SUGCT: variants seen among roughly 807,000 people sequenced by gnomAD.
The protein encoded by SUGCT is succinyl-CoA:glutarate-CoA transferase.
In SUGCT, 41 loss-of-function variants were observed where a neutral mutation model predicts 55.0. That is an observed-to-expected ratio of 0.74 (90% CI 0.58 to 0.97). SUGCT has a LOEUF of 0.97. Among genes scored for constraint, SUGCT ranks in the 50% least tolerant of loss-of-function variants. SUGCT has a pLI of 0.00. For synonymous variants in SUGCT, 187 were observed against 200.4 expected, an observed-to-expected ratio of 0.93 and a Z score of 0.56; for missense variants, 568 against 547.8, an observed-to-expected ratio of 1.04 and a Z score of -0.37.
intron 6 of SUGCT, among the ~76,000 whole-genome samples, chr7:40,201,016 T>C (rs1247184489): frequency 6.6e-6 from 1 of 152,128 alleles, no homozygotes; most frequent in Admixed American, 6.6e-5. Flanking sequence ...CATGAGTTAG[T>C]CTGTGTGTGT....
At chr7:40,724,507 G>A (rs1786513858) in intron 12 of SUGCT, among the ~76,000 whole-genome samples, 1 of 151,808 alleles carries the variant, frequency 6.6e-6, no homozygotes, top group Admixed American at 6.6e-5. Flanking sequence ...AGCTTGCAGT[G>A]AGCCAAGATT....
the SUGCT span, among the ~76,000 whole-genome samples, chr7:40,898,829 G>A: frequency 6.6e-6 from 1 of 152,116 alleles, no homozygotes; most frequent in South Asian, 2.1e-4. Flanking sequence ...TGAGGCTTTT[G>A]GGGGCCATTA....
intron 12 of SUGCT, among the ~76,000 whole-genome samples, chr7:40,702,772 A>G (rs915103318): frequency 2.6e-5 from 4 of 152,138 alleles, no homozygotes; most frequent in African/African-American, 9.7e-5. Context: ...TTCCAGCTCA[A>G]TGAAAGATCA....
chr7:40,709,728 A>G (rs934296817), intron 12 of SUGCT, among the ~76,000 whole-genome samples: 1 of 152,206 alleles, frequency 6.6e-6, no homozygotes. Flanking sequence ...CCTCTACTAC[A>G]GATGGTTTCT....
At chr7:40,508,344 G>A (rs1293470832) in intron 12 of SUGCT, among the ~76,000 whole-genome samples, 1 of 152,154 alleles carries the variant, frequency 6.6e-6, no homozygotes, top group Non-Finnish European at 1.5e-5. Context: ...ATGGGATGGG[G>A]GAAGGCAGAC....
At chr7:40,732,973 G>C (rs1786973966) in intron 12 of SUGCT, among the ~76,000 whole-genome samples, 1 of 152,158 alleles carries the variant, frequency 6.6e-6, no homozygotes, top group Admixed American at 6.5e-5. Flanking sequence ...TATTTGGGAG[G>C]CTGAGGCAGG....
intron 13 of SUGCT, among the ~76,000 whole-genome samples, chr7:40,807,435 C>G (rs1377378430): frequency 6.6e-6 from 1 of 152,010 alleles, no homozygotes; most frequent in Non-Finnish European, 1.5e-5. Flanking sequence ...TTCCACAGCC[C>G]GTAGAGTCTG....
intron 7 of SUGCT, among the ~76,000 whole-genome samples, chr7:40,270,485 A>G (rs1422091798): frequency 2.0e-5 from 3 of 152,140 alleles, no homozygotes; most frequent in African/African-American, 4.8e-5. Context: ...CATTTTTTGT[A>G]AAGACTCTTC....
intron 8 of SUGCT, among the ~76,000 whole-genome samples, chr7:40,280,992 C>A (rs181911029): frequency 6.6e-6 from 1 of 152,240 alleles, no homozygotes; most frequent in East Asian, 1.9e-4. Flanking sequence ...GCCCTGGGAA[C>A]TTTTGCCTTT....
At chr7:41,016,418 C>A in the SUGCT span, among the ~76,000 whole-genome samples, 1 of 152,080 alleles carries the variant, frequency 6.6e-6, no homozygotes, top group Non-Finnish European at 1.5e-5. Context: ...ACTTGCCAAG[C>A]CAGAACCCAT....
At chr7:40,548,922 A>G (rs1044843206) in intron 12 of SUGCT, among the ~76,000 whole-genome samples, 7 of 152,116 alleles carry the variant, frequency 4.6e-5, no homozygotes, top group Non-Finnish European at 7.4e-5. Context: ...TTTTGTATTG[A>G]GTTTTTAAGT....
intron 1 of SUGCT, among the ~76,000 whole-genome samples, chr7:40,163,885 G>C (rs1259297311): frequency 3.3e-5 from 5 of 150,518 alleles, no homozygotes; most frequent in Non-Finnish European, 7.4e-5. Flanking sequence ...GCAGTGGCAT[G>C]ATCTCAGCTC....
intron 13 of SUGCT, among the ~76,000 whole-genome samples, chr7:40,755,323 A>C (rs1297734766): frequency 6.6e-6 from 1 of 152,224 alleles, no homozygotes; most frequent in Non-Finnish European, 1.5e-5. Context: ...TAAAACTTAC[A>C]GTGTCCTAAA....
At chr7:40,189,625 C>T (rs751557001) in intron 5 of SUGCT, 31 bp downstream of exon 5, 3 of 1,275,650 alleles carry the variant, frequency 2.4e-6, no homozygotes, top group East Asian at 5.7e-5. Flanking sequence ...AGCATCCTAC[C>T]ACCTAGGTTA....
chr7:40,422,573 CTTG>C (rs1375165306), intron 9 of SUGCT, among the ~76,000 whole-genome samples: 14 of 152,050 alleles, frequency 9.2e-5, no homozygotes, highest in African/African-American at 3.4e-4. Context: ...GAATCCTAAA[CTTG>C]TAGTTTTTAC....
the SUGCT span, among the ~76,000 whole-genome samples, chr7:41,029,806 T>C: frequency 6.6e-6 from 1 of 152,332 alleles, no homozygotes; most frequent in African/African-American, 2.4e-5. Context: ...TTGTGCTGTA[T>C]ATTCTATGAG....
In SUGCT at chr7:40,372,102, G is replaced by GT. The variant is rs958375705; in HGVS notation, c.816+55257dup. Among the ~76,000 whole-genome samples, 24 of 145,270 alleles carry GT rather than the reference G, an allele frequency of 1.7e-4. 1 individual carries two copies. The highest frequency in any genetic ancestry group is 6.2e-4 in the Admixed American group (9 of 14,522). On this transcript the variant is annotated intron_variant, in intron 9 of 13. Transcript: ENST00000335693. Reference sequence around the variant, plus strand: ...TTTGACATGGTTTTACTGGTTTGAGGTTTTTTTTTTAGGTTTGTTTTTGGA... The same window carrying GT: ...TTTGACATGGTTTTACTGGTTTGAGGTTTTTTTTTTTAGGTTTGTTTTTGGA...
intron 6 of SUGCT, among the ~76,000 whole-genome samples, chr7:40,197,726 G>GA (rs1786368213): frequency 6.6e-6 from 1 of 152,212 alleles, no homozygotes; most frequent in South Asian, 2.1e-4. Context: ...AATGGGTGGT[G>GA]AAATACATTC....
the SUGCT span, among the ~76,000 whole-genome samples, chr7:40,963,268 A>T: frequency 2.6e-5 from 4 of 152,092 alleles, no homozygotes; most frequent in Non-Finnish European, 5.9e-5. Flanking sequence ...GGAGACTATC[A>T]TCAGGCTCTT....
Sources: allele counts gnomAD v4.1 joint callset (sites outside exome capture counted in the v4.1 genomes callset), GRCh38; gene constraint gnomAD v4.1.1; transcripts MANE v1.5; gene names NCBI Gene and HGNC (gene_info 2026-07-23, HGNC 2026-07-21).